The following KMT2C variants were observed in gnomAD, a reference collection of about 807,000 sequenced individuals.
KMT2C encodes the protein histone-lysine N-methyltransferase 2C.
A neutral mutation model predicts 507.9 loss-of-function variants in KMT2C; 88 were observed. The observed-to-expected ratio is 0.17, with a 90% CI of 0.15 to 0.21. The LOEUF (loss-of-function observed/expected upper bound fraction) is 0.21. KMT2C is among the 10% of genes least tolerant of loss of function. The pLI is 1.00. For missense variants in KMT2C, 4,954 were observed against 5,957.8 expected, an observed-to-expected ratio of 0.83 and a Z score of 5.55; for synonymous variants, 2,049 against 2,080.8, an observed-to-expected ratio of 0.98 and a Z score of 0.42.
intron 42 of KMT2C, among the ~76,000 whole-genome samples, chr7:152,164,751 GTAAA>G (rs1266346479): frequency 6.6e-6 from 1 of 152,278 alleles, no homozygotes; most frequent in African/African-American, 2.4e-5. Flanking sequence ...TGAATAGTCT[GTAAA>G]TAGACTCTTA....
intron 2 of KMT2C, among the ~76,000 whole-genome samples, chr7:152,343,234 A>C (rs1475881455): frequency 1.3e-5 from 2 of 152,234 alleles, no homozygotes; most frequent in Non-Finnish European, 2.9e-5. Flanking sequence ...TCTAATGGAT[A>C]AAGTAGACAG....
At chr7:152,206,776 C>T (rs1421746635) in intron 24 of KMT2C, among the ~76,000 whole-genome samples, 1 of 152,112 alleles carries the variant, frequency 6.6e-6, no homozygotes, top group African/African-American at 2.4e-5. Context: ...TCTCTCCACT[C>T]CTGAGGCAGA....
chr7:152,417,089 A>G (rs1589894813), intron 1 of KMT2C, among the ~76,000 whole-genome samples: 1 of 152,002 alleles, frequency 6.6e-6, no homozygotes, highest in African/African-American at 2.4e-5. Flanking sequence ...TTATCTCAAA[A>G]AAAGAGTTTA....
intron 43 of KMT2C, among the ~76,000 whole-genome samples, 199 bp from the exon 44 acceptor site, chr7:152,159,271 T>C (rs2092300376): frequency 6.6e-6 from 1 of 152,164 alleles, no homozygotes; most frequent in Non-Finnish European, 1.5e-5. Flanking sequence ...AGTATGGAAA[T>C]CAGTAAGCTG....
At chr7:152,152,619 T>C (rs2091724898) in intron 49 of KMT2C, 86 bp downstream of exon 49, 3 of 1,504,812 alleles carry the variant, frequency 2.0e-6, no homozygotes, top group Non-Finnish European at 2.7e-6. Context: ...CTGTCCGTTG[T>C]TAAAAGATAA....
intron 58 of KMT2C, chr7:152,137,738 C>T (rs1009144519): frequency 1.3e-5 from 2 of 152,128 alleles, no homozygotes; most frequent in Non-Finnish European, 2.9e-5. Context: ...AATAGGGGCT[C>T]ATATTAAACT....
intron 39 of KMT2C, among the ~76,000 whole-genome samples, chr7:152,172,047 T>C (rs1230429671): frequency 2.6e-5 from 4 of 152,242 alleles, no homozygotes; most frequent in Non-Finnish European, 5.9e-5. Context: ...TATCAAGATA[T>C]ACATACAATT....
At chr7:152,279,760 T>C (rs2096166635) in intron 6 of KMT2C, among the ~76,000 whole-genome samples, 2 of 152,188 alleles carry the variant, frequency 1.3e-5, no homozygotes, top group South Asian at 4.1e-4. Flanking sequence ...ATTTTTCTCC[T>C]GCCAGTACCT....
At chr7:152,253,945 G>A (rs779833513) in intron 9 of KMT2C, among the ~76,000 whole-genome samples, 1 of 151,920 alleles carries the variant, frequency 6.6e-6, no homozygotes, top group Non-Finnish European at 1.5e-5. Flanking sequence ...ATACATTGTG[G>A]GGCTCTCATT....
At chr7:152,264,448 C>A (rs944799291) in intron 8 of KMT2C, among the ~76,000 whole-genome samples, 2 of 152,156 alleles carry the variant, frequency 1.3e-5, no homozygotes, top group African/African-American at 4.8e-5. Flanking sequence ...AACCCCCTTA[C>A]AAATTTGTAA....
chr7:152,230,528 T>G (rs888090163), intron 16 of KMT2C, among the ~76,000 whole-genome samples: 2 of 152,170 alleles, frequency 1.3e-5, no homozygotes, highest in African/African-American at 4.8e-5. Context: ...GAGGTAGAAT[T>G]CCTATAGACC....
In KMT2C at chr7:152,176,394, G is replaced by A. The variant is rs2129112973; in HGVS notation, c.9059C>T (p.Ser3020Phe). 13 of 1,614,160 alleles carry A rather than the reference G, an allele frequency of 8.1e-6. No homozygotes were observed. Among genetic ancestry groups the A allele is most frequent in the Non-Finnish European group, 1.1e-5 (13 of 1,180,022 alleles). The change falls in exon 38 of 59, where the codon TCT becomes TTT. Residue 3020 changes from serine (S) to phenylalanine (F), a missense_variant. Ser to Phe is a radical substitution (Grantham distance 155). Transcript: ENST00000262189. ...ATQTGPQTSQ[S>F]GTSSMSGPQQ... is the part of the protein sequence containing the mutation. ...GGGTCCAGACATGCTACTGGTACCA[G>A]ACTGACTTGTTTGAGGCCCAGTTTG...
chr7:152,297,055 C>CAGAAAGACAGACAGAGAGAG (rs1315629061), intron 6 of KMT2C, among the ~76,000 whole-genome samples: 1 of 84,406 alleles, frequency 1.2e-5, no homozygotes, highest in Non-Finnish European at 2.3e-5. Context: ...GAAAGAAAGA[C>CAGAAAGACAGACAGAGAGAG]AGAGAGAGAG....
intron 39 of KMT2C, among the ~76,000 whole-genome samples, chr7:152,173,290 T>C (rs1298943202): frequency 6.6e-6 from 1 of 152,190 alleles, no homozygotes; most frequent in Non-Finnish European, 1.5e-5. Flanking sequence ...ACATTTTTTA[T>C]ATAAAAGTTT....
At chr7:152,424,710 G>A (rs1221946150) in intron 1 of KMT2C, among the ~76,000 whole-genome samples, 2 of 152,118 alleles carry the variant, frequency 1.3e-5, no homozygotes, top group Non-Finnish European at 2.9e-5. Flanking sequence ...ACAGTCATAA[G>A]CCCCCACGCC....
intron 43 of KMT2C, 66 bp from the exon 44 acceptor site, chr7:152,159,138 G>A: frequency 7.4e-7 from 1 of 1,359,144 alleles, no homozygotes; most frequent in Non-Finnish European, 1.0e-6. Context: ...AGTTCATGCA[G>A]TGCCAAGCTA....
rs981195984 is a variant in KMT2C, at chr7:152,158,976, G to C, written c.11557C>G (p.Arg3853Gly). Residue 3853 changes from arginine to glycine, a missense_variant, in exon 44 of 59, where the codon CGG becomes GGG. Coordinates refer to ENST00000262189, the MANE Select transcript of KMT2C (RefSeq NM_170606.3). ...GSETKKQRSK[R>G]TQRTGEKAAP... ...GCTTTCTCACCCGTCCTCTGAGTCC[G>C]TTTGCTTCGCTGTTTCTTGGTTTCA... 1.2e-6 allele frequency: 2 copies of C among 1,613,964 alleles called. No homozygotes were observed. Among genetic ancestry groups the C allele is most frequent in the African/African-American group, 2.7e-5 (2 of 74,888 alleles).
chr7:152,389,415 T>G (rs1165262420), intron 1 of KMT2C, among the ~76,000 whole-genome samples: 1 of 151,286 alleles, frequency 6.6e-6, no homozygotes, highest in Non-Finnish European at 1.5e-5. Flanking sequence ...TTTGTTATGG[T>G]AGCTCTAGCA....
intron 31 of KMT2C, among the ~76,000 whole-genome samples, chr7:152,193,408 T>C (rs1413856927): frequency 6.6e-6 from 1 of 152,120 alleles, no homozygotes; most frequent in East Asian, 1.9e-4. Flanking sequence ...TTTCATAGTG[T>C]CTACAGGGAT....
Sources: allele counts gnomAD v4.1 joint callset (sites outside exome capture counted in the v4.1 genomes callset), GRCh38; gene constraint gnomAD v4.1.1; transcripts MANE v1.5; gene names NCBI Gene and HGNC (gene_info 2026-07-23, HGNC 2026-07-21).